The following PPARGC1A variants were observed in gnomAD, a reference collection of about 807,000 sequenced individuals.
PPARGC1A encodes the protein PPARG coactivator 1 alpha.
Under a neutral mutation model 88.7 loss-of-function variants are expected in PPARGC1A, and 25 were observed. The ratio of observed to expected loss-of-function variants is 0.28; its 90% CI spans 0.21 to 0.39. PPARGC1A has a LOEUF of 0.39. PPARGC1A is among the 10% of genes least tolerant of loss of function. The probability of loss-of-function intolerance (pLI) is 1.00; values close to 1 mark genes in which losing one functional copy is unlikely to be tolerated. For synonymous variants in PPARGC1A, 363 were observed against 355.6 expected (o/e 1.02, Z -0.24); for missense variants, 880 against 968.7 (o/e 0.91, Z 1.22).
rs1385116350 is a variant in PPARGC1A, at chr4:23,844,491, CATAAT to C, written c.235-12745_235-12741del. On this transcript the variant is annotated intron_variant, in intron 2 of 12. Transcript: ENST00000264867. ...TTCTATATTAATATATTATAATAATCATAATATATAATATAATAATATAATAATCA... is the reference window on the plus strand; with the variant it reads ...TTCTATATTAATATATTATAATAATCATATAATATAATAATATAATAATCA... 4.0e-3 allele frequency among the ~76,000 whole-genome samples: 469 copies of C among 117,932 alleles called. 8 individuals carry two copies. Among genetic ancestry groups the C allele is most frequent in the African/African-American group, 0.013 (386 of 29,674 alleles). The allele number at this position is 117,932 out of a possible 152,430, so 77.4% of individuals were successfully genotyped here. A position where few individuals can be genotyped will look rare whatever the true frequency, so the allele number is the denominator to read the frequency against.
the PPARGC1A span, among the ~76,000 whole-genome samples, chr4:24,404,540 T>C: frequency 6.6e-6 from 1 of 152,024 alleles, no homozygotes; most frequent in Non-Finnish European, 1.5e-5. Flanking sequence ...AAGATATATA[T>C]TAAAAACAGT....
the PPARGC1A span, among the ~76,000 whole-genome samples, chr4:24,171,181 A>G: frequency 6.6e-6 from 1 of 152,016 alleles, no homozygotes; most frequent in African/African-American, 2.4e-5. Flanking sequence ...GGACACTGAG[A>G]CCGGCGGATC....
At chr4:24,201,213 C>A in the PPARGC1A span, among the ~76,000 whole-genome samples, 1 of 152,138 alleles carries the variant, frequency 6.6e-6, no homozygotes, top group Non-Finnish European at 1.5e-5. Context: ...AAAATTGGAG[C>A]CATAAATACA....
the PPARGC1A span, among the ~76,000 whole-genome samples, chr4:23,955,253 TATAA>T: frequency 3.3e-5 from 5 of 152,074 alleles, no homozygotes; most frequent in African/African-American, 1.2e-4. Context: ...CTTGTGTTTC[TATAA>T]ATAAATGTTA....
the PPARGC1A span, among the ~76,000 whole-genome samples, chr4:24,377,094 C>T: frequency 1.1e-4 from 17 of 149,880 alleles, no homozygotes; most frequent in South Asian, 3.6e-3. Flanking sequence ...GATTTTTTTT[C>T]ACGTGAAAAA....
chr4:24,333,319 A>G, the PPARGC1A span, among the ~76,000 whole-genome samples: 1,099 of 152,350 alleles, frequency 7.2e-3, 7 homozygotes, highest in Middle Eastern at 0.027. Context: ...GACATTTCAA[A>G]TACTTAAAAA....
chr4:24,382,518 A>T, the PPARGC1A span, among the ~76,000 whole-genome samples: 1 of 152,190 alleles, frequency 6.6e-6, no homozygotes, highest in East Asian at 1.9e-4. Flanking sequence ...GAAAAAAAGA[A>T]TTCTGAAATG....
At chr4:24,012,587 A>C in the PPARGC1A span, among the ~76,000 whole-genome samples, 39,897 of 151,766 alleles carry the variant, frequency 0.26, 5,307 homozygotes, top group Middle Eastern at 0.33. Flanking sequence ...GATCTAGATC[A>C]CTTATCTTGA....
At chr4:24,270,771 AT>A in the PPARGC1A span, among the ~76,000 whole-genome samples, 1 of 152,186 alleles carries the variant, frequency 6.6e-6, no homozygotes, top group African/African-American at 2.4e-5. Flanking sequence ...AGTAAATTCA[AT>A]TTTTGGTATG....
Position 23,887,288 on chromosome 4 carries a change from T to G in PPARGC1A, c.55-2357A>C, listed in dbSNP as rs1717081571. On this transcript the variant is annotated intron_variant, in intron 1 of 12. Transcript: ENST00000264867. ...TGCCAATGTTGACATGCTAATAAAA[T>G]CTGTGCTTCTGAATGTGGCATTATC... 2.6e-5 allele frequency among the ~76,000 whole-genome samples: 4 copies of G among 152,200 alleles called. 1 individual carries two copies. In the South Asian group the frequency reaches 8.3e-4, roughly 32 times the overall value.
intron 4 of PPARGC1A, 51 bp downstream of exon 4, chr4:23,829,412 G>C: frequency 6.3e-7 from 1 of 1,593,234 alleles, no homozygotes; most frequent in Non-Finnish European, 8.6e-7. Context: ...ACTGCTTCAA[G>C]CCAAAATCCT....
chr4:24,349,228 G>T, the PPARGC1A span, among the ~76,000 whole-genome samples: 2 of 152,168 alleles, frequency 1.3e-5, no homozygotes, highest in African/African-American at 4.8e-5. Context: ...ACTCCATGAG[G>T]GTCCTTAGCT....
the PPARGC1A span, among the ~76,000 whole-genome samples, chr4:24,468,416 T>G: frequency 6.6e-6 from 1 of 152,212 alleles, no homozygotes; most frequent in Non-Finnish European, 1.5e-5. Context: ...GAATTCCACC[T>G]AAGCAGATGC....
chr4:23,969,439 G>A, the PPARGC1A span, among the ~76,000 whole-genome samples: 1 of 152,082 alleles, frequency 6.6e-6, no homozygotes, highest in East Asian at 1.9e-4. Flanking sequence ...ACCTACCTAG[G>A]CCAATTCTAT....
At position 23,831,697 on chromosome 4, in the gene PPARGC1A, C is replaced by T; in HGVS notation, c.289G>A (p.Asp97Asn). Residue 97 changes from aspartate (D) to asparagine (N), a missense_variant, in exon 3 of 13, where the codon GAC becomes AAC. Physicochemically the swap from Asp to Asn is conservative, Grantham distance 23. Transcript: ENST00000264867. ...CCGTCTTCATCCACAGGGAGACTGT[C>T]TAGTGTCTCTGTGAGGACTGCTAGC... ...NLLAVLTETL[D>N]SLPVDEDGLP... 6.2e-7 allele frequency: 1 copy of T among 1,613,882 alleles called. No individual in the cohort carries two copies. Among genetic ancestry groups the T allele is most frequent in the Non-Finnish European group, 8.5e-7 (1 of 1,179,798 alleles).
chr4:24,132,361 T>C, the PPARGC1A span, among the ~76,000 whole-genome samples: 1 of 152,082 alleles, frequency 6.6e-6, no homozygotes, highest in African/African-American at 2.4e-5. Context: ...AAGAAAGCGA[T>C]AACTGCTGTA....
At chr4:24,002,561 G>C in the PPARGC1A span, among the ~76,000 whole-genome samples, 1 of 150,866 alleles carries the variant, frequency 6.6e-6, no homozygotes. Flanking sequence ...AGAGATCCTG[G>C]CATAATCCCA....
chr4:24,189,134 G>C, the PPARGC1A span, among the ~76,000 whole-genome samples: 1 of 152,100 alleles, frequency 6.6e-6, no homozygotes. Context: ...CTGGTTGCCA[G>C]GGGTTAGGGG....
chr4:24,395,684 C>T, the PPARGC1A span, among the ~76,000 whole-genome samples: 1 of 152,168 alleles, frequency 6.6e-6, no homozygotes, highest in Non-Finnish European at 1.5e-5. Flanking sequence ...TGTTTTCAAG[C>T]TGGGACACGA....
Sources: allele counts gnomAD v4.1 joint callset (sites outside exome capture counted in the v4.1 genomes callset), GRCh38; gene constraint gnomAD v4.1.1; transcripts MANE v1.5; gene names NCBI Gene and HGNC (gene_info 2026-07-23, HGNC 2026-07-21).